The following ATP10D variants were observed in gnomAD, a reference collection of about 807,000 sequenced individuals.
ATP10D encodes phospholipid-transporting ATPase VD.
ATP10D carries 89 observed loss-of-function variants against 144.8 expected under a neutral mutation model. The ratio of observed to expected loss-of-function variants is 0.61; its 90% CI spans 0.52 to 0.73. ATP10D has a LOEUF of 0.73. Among genes scored for constraint, ATP10D ranks in the 30% least tolerant of loss-of-function variants. The pLI is 0.00. For missense variants in ATP10D, 1,603 were observed against 1,714.8 expected, an observed-to-expected ratio of 0.93 and a Z score of 1.15; for synonymous variants, 571 against 615.1, an observed-to-expected ratio of 0.93 and a Z score of 1.06.
chr4:47,497,694 A>C (rs535849034), intron 1 of ATP10D, among the ~76,000 whole-genome samples: 1 of 152,238 alleles, frequency 6.6e-6, no homozygotes, highest in East Asian at 1.9e-4. Flanking sequence ...AAATAATGAC[A>C]TAGTTTAGGA....
chr4:47,528,060 G>A (rs1366773188), intron 5 of ATP10D, among the ~76,000 whole-genome samples: 3 of 152,076 alleles, frequency 2.0e-5, no homozygotes, highest in African/African-American at 4.8e-5. Flanking sequence ...GTAACAGTGC[G>A]ATGGAAGGAA....
At chr4:47,515,175 AG>A (rs1483790255) in intron 2 of ATP10D, among the ~76,000 whole-genome samples, 1 of 151,860 alleles carries the variant, frequency 6.6e-6, no homozygotes, top group African/African-American at 2.4e-5. Flanking sequence ...TGCCCAGGCT[AG>A]TCTCGAACTC....
At chr4:47,577,977 A>G (rs1720321144) in intron 19 of ATP10D, among the ~76,000 whole-genome samples, 1 of 152,204 alleles carries the variant, frequency 6.6e-6, no homozygotes, top group Non-Finnish European at 1.5e-5. Flanking sequence ...CAAAGTTTTT[A>G]TAGCCTGTGT....
chr4:47,531,645 C>G (rs1450368792), intron 5 of ATP10D, among the ~76,000 whole-genome samples: 3 of 152,208 alleles, frequency 2.0e-5, no homozygotes, highest in Non-Finnish European at 4.4e-5. Context: ...GCCCCTCTCT[C>G]ATCAGAAACA....
chr4:47,577,364 G>A (rs1720289978), intron 19 of ATP10D, among the ~76,000 whole-genome samples: 1 of 152,190 alleles, frequency 6.6e-6, no homozygotes, highest in Admixed American at 6.5e-5. Context: ...AAGGGGTTAA[G>A]TAATTTTTCA....
intron 9 of ATP10D, among the ~76,000 whole-genome samples, chr4:47,541,323 A>G (rs551577254): frequency 6.6e-6 from 1 of 152,310 alleles, no homozygotes; most frequent in East Asian, 1.9e-4. Context: ...ATAAATTATC[A>G]TGTTCATTGT....
intron 1 of ATP10D, among the ~76,000 whole-genome samples, chr4:47,505,965 G>C (rs992907612): frequency 6.6e-6 from 1 of 151,920 alleles, no homozygotes; most frequent in Non-Finnish European, 1.5e-5. Flanking sequence ...ATTTACCTTT[G>C]GTAATCTGCC....
intron 4 of ATP10D, among the ~76,000 whole-genome samples, chr4:47,523,514 G>A (rs1717078379): frequency 6.6e-6 from 1 of 152,082 alleles, no homozygotes; most frequent in Non-Finnish European, 1.5e-5. Context: ...CTTATTTTTA[G>A]TTATCATTAT....
Position 47,580,451 on chromosome 4 carries a change from C to T in ATP10D, c.3621C>T (p.Ser1207=), listed in dbSNP as rs748472082. The T allele has an allele frequency of 6.2e-7, 1 of 1,613,648 alleles. No homozygotes were observed. The highest frequency in any genetic ancestry group is 8.5e-7 in the Non-Finnish European group (1 of 1,179,632). ...WITLLDAFYQ[S]LVCFFVPYFT... ...CCTTATTGGATGCTTTTTATCAAAG[C>T]CTGGTCTGCTTCTTTGTGCCTTATT... The change falls in exon 20 of 23, where the codon AGC becomes AGT. Residue 1207 remains serine (S), a synonymous_variant. Transcript: ENST00000273859.
intron 2 of ATP10D, among the ~76,000 whole-genome samples, chr4:47,514,777 A>G (rs1468018145): frequency 2.0e-5 from 3 of 152,158 alleles, no homozygotes; most frequent in Non-Finnish European, 4.4e-5. Flanking sequence ...GTTTGGATGT[A>G]CAAAAGGCTA....
intron 15 of ATP10D, among the ~76,000 whole-genome samples, chr4:47,564,581 CA>C (rs1486277782): frequency 1.3e-5 from 2 of 151,978 alleles, no homozygotes; most frequent in Non-Finnish European, 2.9e-5. Flanking sequence ...CCGAGAATAT[CA>C]TAAGTTTGAA....
intron 6 of ATP10D, 81 bp from the exon 7 acceptor site, chr4:47,535,820 CT>C: frequency 6.8e-7 from 1 of 1,468,416 alleles, no homozygotes; most frequent in Non-Finnish European, 9.2e-7. Context: ...ATTAAATTGT[CT>C]GCAAGAGAGA....
At chr4:47,494,778 A>AT (rs1715267394) in intron 1 of ATP10D, among the ~76,000 whole-genome samples, 1 of 152,138 alleles carries the variant, frequency 6.6e-6, no homozygotes, top group Admixed American at 6.5e-5. Flanking sequence ...TATTTTTGAG[A>AT]TTTTTGTATT....
At position 47,546,699 on chromosome 4, in the gene ATP10D, G is replaced by A. The variant is rs749809273; in HGVS notation, c.1472G>A (p.Ser491Asn). The A allele has an allele frequency of 1.4e-5, 22 of 1,613,986 alleles. No homozygotes were observed. The highest frequency in any genetic ancestry group is 1.3e-5 in the Non-Finnish European group (15 of 1,179,992). The change falls in exon 10 of 23, where the codon AGC (serine) becomes AAC (asparagine). Residue 491 changes from serine (S) to asparagine (N), a missense_variant. Physicochemically the swap from Ser to Asn is conservative, Grantham distance 46. Coordinates refer to ENST00000273859, the MANE Select transcript of ATP10D (RefSeq NM_020453.4). ...DFIDTVSGSL[S>N]NMAKPRAPSC... ...ATAGACACAGTCAGTGGTTCCCTCA[G>A]CAATATGGCAAAACCGAGAGCCCCC...
intron 1 of ATP10D, among the ~76,000 whole-genome samples, chr4:47,490,054 G>A (rs1278703118): frequency 5.3e-5 from 8 of 152,118 alleles, no homozygotes; most frequent in Admixed American, 3.9e-4. Flanking sequence ...GAAGGAAAGT[G>A]AAAATCAATT....
intron 12 of ATP10D, 130 bp downstream of exon 12, chr4:47,558,403 A>T (rs904810819): frequency 7.8e-7 from 1 of 1,287,160 alleles, no homozygotes; most frequent in Non-Finnish European, 1.1e-6. Context: ...AGTAGGGGGA[A>T]GCTGCCTAGG....
chr4:47,551,223 A>C (rs1718717362), intron 10 of ATP10D, among the ~76,000 whole-genome samples: 1 of 152,212 alleles, frequency 6.6e-6, no homozygotes, highest in South Asian at 2.1e-4. Flanking sequence ...CGGCCTAGGA[A>C]ATCCAGCTAG....
At chr4:47,588,294 T>C (rs1720878875) in intron 22 of ATP10D, among the ~76,000 whole-genome samples, 1 of 152,232 alleles carries the variant, frequency 6.6e-6, no homozygotes, top group South Asian at 2.1e-4. Flanking sequence ...AAAATCTGTT[T>C]AGTTGAAAAT....
rs1438071166 is a variant in ATP10D, at chr4:47,572,351, G to A, written c.3240+121G>A. Reference sequence around the variant, plus strand: ...GTGTGTGGCTAGCTGAGGAGTGGGAGACAGGAAGTTTACCTATCTATTCAT... The same window carrying A: ...GTGTGTGGCTAGCTGAGGAGTGGGAAACAGGAAGTTTACCTATCTATTCAT... On this transcript the variant is annotated intron_variant, in intron 17 of 22. Coordinates refer to ENST00000273859, the MANE Select transcript of ATP10D (RefSeq NM_020453.4). 5 of 822,312 alleles carry A rather than the reference G, an allele frequency of 6.1e-6. No individual in the cohort carries two copies. In the East Asian group the frequency reaches 1.0e-4, roughly 17 times the overall value. 50.9% of individuals were successfully genotyped at this position (822,312 alleles called of 1,614,324 possible).
Sources: allele counts gnomAD v4.1 joint callset (sites outside exome capture counted in the v4.1 genomes callset), GRCh38; gene constraint gnomAD v4.1.1; transcripts MANE v1.5; gene names NCBI Gene and HGNC (gene_info 2026-07-23, HGNC 2026-07-21).